The following FMN1 variants were observed in gnomAD, a reference collection of about 807,000 sequenced individuals.
FMN1 encodes the protein formin 1, also known as formin-1.
FMN1 carries 110 observed loss-of-function variants against 132.4 expected under a neutral mutation model. The observed-to-expected ratio is 0.83, with a 90% confidence interval of 0.71 to 0.97. FMN1 has a LOEUF of 0.97. FMN1 is among the 50% of genes least tolerant of loss of function. The probability of loss-of-function intolerance (pLI) is 0.00; values close to 1 mark genes in which losing one functional copy is unlikely to be tolerated. For synonymous variants in FMN1, 722 were observed against 651.7 expected, an observed-to-expected ratio of 1.11 and a Z score of -1.64; for missense variants, 1,792 against 1,705.3, an observed-to-expected ratio of 1.05 and a Z score of -0.90.
chr15:33,153,483 C>T lies in FMN1; in HGVS notation c.1432G>A (p.Val478Ile), dbSNP rs1448166931. Residue 478 changes from valine to isoleucine, a missense_variant, in exon 4 of 21, where the codon GTA becomes ATA. Val to Ile is a conservative substitution (Grantham distance 29). Coordinates refer to ENST00000616417, the MANE Select transcript of FMN1 (RefSeq NM_001277313.2). ...CTGGGTTGTGAGGAGTCAGGACCTA[C>T]TTTGTGGGGCAGATCCAGAAACAAG... ...KSLFLDLPHK[V>I]GPDSSQPRGD... 10 of 1,536,480 alleles carry T rather than the reference C, an allele frequency of 6.5e-6. No individual in the cohort carries two copies. In the Admixed American group the frequency reaches 1.2e-4, roughly 18 times the overall value.
rs1314024216 is a variant in FMN1 at position 33,163,063 on chromosome 15, A to C, written c.-131-8018T>G. Among the ~76,000 whole-genome samples the C allele has an allele frequency of 2.6e-5, 4 of 152,300 alleles. No homozygotes were observed. In the South Asian group the frequency reaches 8.3e-4, roughly 32 times the overall value. ...CTTGAACCCGGGAGGTGGAGGTTGC[A>C]GTGAGCCGAGATCACGCCACTGTAC... On this transcript the variant is annotated intron_variant, in intron 3 of 20. Coordinates refer to ENST00000616417, the MANE Select transcript of FMN1 (RefSeq NM_001277313.2).
At chr15:33,008,474 G>C (rs2034533889) in intron 6 of FMN1, among the ~76,000 whole-genome samples, 1 of 151,952 alleles carries the variant, frequency 6.6e-6, no homozygotes, top group Non-Finnish European at 1.5e-5. Context: ...TGTGAGATCA[G>C]AGCACTCTAT....
At chr15:33,045,481 C>G (rs1301392652) in intron 6 of FMN1, among the ~76,000 whole-genome samples, 1 of 152,218 alleles carries the variant, frequency 6.6e-6, no homozygotes, top group Non-Finnish European at 1.5e-5. Flanking sequence ...ACCCACTTGT[C>G]TCCTTTGATC....
intron 19 of FMN1, among the ~76,000 whole-genome samples, chr15:32,792,577 C>T (rs144833976): frequency 1.3e-5 from 2 of 152,180 alleles, no homozygotes; most frequent in Non-Finnish European, 2.9e-5. Flanking sequence ...ATGCAGTTCT[C>T]CTGCTTCCTT....
At chr15:33,057,427 G>A (rs190560025) in intron 6 of FMN1, among the ~76,000 whole-genome samples, 8 of 152,258 alleles carry the variant, frequency 5.3e-5, no homozygotes, top group Non-Finnish European at 1.0e-4. Flanking sequence ...AAAAAAGAAA[G>A]TCAGTGGTGC....
At chr15:33,081,222 A>C (rs1347892317) in intron 5 of FMN1, among the ~76,000 whole-genome samples, 5 of 152,184 alleles carry the variant, frequency 3.3e-5, no homozygotes, top group African/African-American at 1.2e-4. Context: ...TCACTCTTCT[A>C]CCATACCCCC....
intron 5 of FMN1, among the ~76,000 whole-genome samples, chr15:33,066,038 T>G (rs2037709067): frequency 1.3e-5 from 2 of 152,252 alleles, no homozygotes; most frequent in Non-Finnish European, 2.9e-5. Flanking sequence ...TCCAGTGCTC[T>G]AAATCTGGAA....
chr15:32,978,176 A>G (rs1485906069), intron 7 of FMN1, among the ~76,000 whole-genome samples: 1 of 152,122 alleles, frequency 6.6e-6, no homozygotes, highest in Non-Finnish European at 1.5e-5. Context: ...TTGAAAGGTG[A>G]TAGTTAATTA....
intron 9 of FMN1, among the ~76,000 whole-genome samples, chr15:32,949,940 C>CATATATATATATATATATATATATATAT (rs373896522): frequency 3.1e-5 from 1 of 31,856 alleles, no homozygotes; most frequent in East Asian, 7.3e-4. Flanking sequence ...GGCCAAAAAG[C>CATATATATATATATATATATATATATAT]ATATATATAT....
At position 32,944,166 on chromosome 15, in the gene FMN1, C is replaced by T. The variant is rs72719341; in HGVS notation, c.3139-17905G>A. On this transcript the variant is annotated intron_variant, in intron 9 of 20. Coordinates refer to ENST00000616417, the MANE Select transcript of FMN1 (RefSeq NM_001277313.2). ...GCTTTCTCTCTTACGGGAGAATAAC[C>T]GCTTCTTTGGAAATATGCAATTGTT... 6.8e-3 allele frequency among the ~76,000 whole-genome samples: 1,037 copies of T among 152,298 alleles called. 6 individuals carry two copies. The highest frequency in any genetic ancestry group is 0.014 in the Middle Eastern group (4 of 294).
In FMN1 at chr15:33,065,039, A is replaced by C. The variant is rs778768944; in HGVS notation, c.2079T>G (p.Thr693=). 6 of 1,611,344 alleles carry C rather than the reference A, an allele frequency of 3.7e-6. No individual in the cohort carries two copies. The highest frequency in any genetic ancestry group is 5.1e-6 in the Non-Finnish European group (6 of 1,178,760). Residue 693 remains threonine (T), a synonymous_variant, in exon 6 of 21, where the codon ACT becomes ACG. Transcript: ENST00000616417. ...GCCAGACAGCTTGAAGTCTGCCAGGAGTCCTGTCATCCTGCTCAGTCAGGC... is the reference window on the plus strand; with the variant it reads ...GCCAGACAGCTTGAAGTCTGCCAGGCGTCCTGTCATCCTGCTCAGTCAGGC... ...DHSLTEQDDR[T]PGRLQAVWPP...
intron 5 of FMN1, among the ~76,000 whole-genome samples, chr15:33,087,812 C>CATATATAT (rs778597228): frequency 9.3e-6 from 1 of 107,962 alleles, no homozygotes; most frequent in East Asian, 2.1e-4. Context: ...TATACATATA[C>CATATATAT]ACATATATAT....
chr15:33,085,574 A>C (rs930477284), intron 5 of FMN1, among the ~76,000 whole-genome samples: 1 of 149,394 alleles, frequency 6.7e-6, no homozygotes, highest in African/African-American at 2.4e-5. Context: ...CATATGCATA[A>C]TTTATATATC....
chr15:32,947,788 G>C lies in FMN1; in HGVS notation c.3138+16319C>G, dbSNP rs186929572. ...GGTATCTTTATTTTCCAACTTAATA[G>C]TGTATAAAAATGCAATTGATTATTG... On this transcript the variant is annotated intron_variant, in intron 9 of 20. Transcript: ENST00000616417. Among the ~76,000 whole-genome samples the C allele has an allele frequency of 1.1e-4, 17 of 151,982 alleles. No homozygotes were observed. The East Asian group carries it at 3.3e-3, about 29-fold the overall frequency.
At chr15:32,904,347 A>T (rs1170896645) in intron 12 of FMN1, among the ~76,000 whole-genome samples, 2 of 152,160 alleles carry the variant, frequency 1.3e-5, no homozygotes, top group South Asian at 2.1e-4. Context: ...CAGATGCTAA[A>T]ATTGTGTTCT....
In FMN1 at chr15:32,891,415, TTTA is replaced by T. The variant is rs1194445162; in HGVS notation, c.3715-3126_3715-3124del. Among the ~76,000 whole-genome samples, 3 of 152,202 alleles carry T rather than the reference TTTA, an allele frequency of 2.0e-5. No homozygotes were observed. In the East Asian group the frequency reaches 5.8e-4, roughly 29 times the overall value. On this transcript the variant is annotated intron_variant, in intron 15 of 20. Transcript: ENST00000616417. ...GGCACCCGCCACCACGCCCAGCTAA[TTTA>T]TTTTTAGTAGAGACGGGGTTTCACC...
intron 7 of FMN1, among the ~76,000 whole-genome samples, chr15:32,989,276 G>A (rs2033283159): frequency 6.6e-6 from 1 of 152,172 alleles, no homozygotes; most frequent in South Asian, 2.1e-4. Flanking sequence ...GGTAGGTGGA[G>A]GTACCTCTGC....
At chr15:32,930,187 C>T (rs2061074826) in intron 9 of FMN1, among the ~76,000 whole-genome samples, 1 of 151,808 alleles carries the variant, frequency 6.6e-6, no homozygotes, top group Non-Finnish European at 1.5e-5. Context: ...CGGGGTTTCA[C>T]CGTGTTAGCC....
intron 4 of FMN1, among the ~76,000 whole-genome samples, chr15:33,121,024 C>T (rs1267232707): frequency 6.6e-6 from 1 of 152,124 alleles, no homozygotes; most frequent in Non-Finnish European, 1.5e-5. Context: ...GGATAGTACT[C>T]TGCCTTCATT....
Sources: gnomAD v4.1 joint callset for allele counts (sites outside exome capture counted in the v4.1 genomes callset) on GRCh38, gnomAD v4.1.1 for gene constraint, MANE v1.5 for transcripts, NCBI Gene and HGNC (gene_info 2026-07-23, HGNC 2026-07-21) for gene names.